OXGR1: variants seen among roughly 807,000 people sequenced by gnomAD.
OXGR1 encodes 2-oxoglutarate receptor 1.
A neutral mutation model predicts 10.0 loss-of-function variants in OXGR1; 10 were observed. The ratio of observed to expected loss-of-function variants is 1.00; its 90% CI spans 0.62 to 1.70. OXGR1 has a LOEUF of 1.70. Among genes scored for constraint, OXGR1 ranks in the 40% most tolerant of loss-of-function variants. The probability of loss-of-function intolerance (pLI) is 0.00; values close to 1 mark genes in which losing one functional copy is unlikely to be tolerated. For missense variants in OXGR1, 398 were observed against 407.6 expected, an observed-to-expected ratio of 0.98 and a Z score of 0.20; for synonymous variants, 191 against 155.9, an observed-to-expected ratio of 1.22 and a Z score of -1.68.
In OXGR1 at chr13:96,986,954, A is replaced by C. The variant is rs1229806933; in HGVS notation, c.806T>G (p.Leu269Arg). The change falls in exon 4 of 4, where the codon CTG becomes CGG. Residue 269 changes from leucine (L) to arginine (R), a missense_variant. Transcript: ENST00000541038. ...CTCAATGGAACAACTGATTGAAAGC[A>C]GGCGAGATTCGATCCGAATGACCCT... ...ILRVIRIESR[L>R]LSISCSIENQ... The C allele has an allele frequency of 1.9e-6, 3 of 1,614,236 alleles. No homozygotes were observed. The highest frequency in any genetic ancestry group is 1.7e-6 in the Non-Finnish European group (2 of 1,180,032).
At position 96,986,965 on chromosome 13, in the gene OXGR1, G is replaced by C. The variant is rs768797716; in HGVS notation, c.795C>G (p.Ile265Met). Reference sequence around the variant, plus strand: ...AACTGATTGAAAGCAGGCGAGATTCGATCCGAATGACCCTCAAGATATGGA... The same window carrying C: ...AACTGATTGAAAGCAGGCGAGATTCCATCCGAATGACCCTCAAGATATGGA... ...LPFHILRVIR[I>M]ESRLLSISCS... The change falls in exon 4 of 4, where the codon ATC becomes ATG. Residue 265 changes from isoleucine (I) to methionine (M), a missense_variant. Coordinates refer to ENST00000541038, the MANE Select transcript of OXGR1 (RefSeq NM_001346194.2). 1 of 1,614,024 alleles carries C rather than the reference G, an allele frequency of 6.2e-7. No individual in the cohort carries two copies. The highest frequency in any genetic ancestry group is 2.2e-5 in the East Asian group (1 of 44,898).
intron 3 of OXGR1, among the ~76,000 whole-genome samples, 195 bp from the exon 4 acceptor site, chr13:96,988,028 A>G (rs1881871297): frequency 6.6e-6 from 1 of 152,242 alleles, no homozygotes; most frequent in African/African-American, 2.4e-5. Flanking sequence ...ATAAAAATAT[A>G]AAAGTTAAAT....
At chr13:96,994,696 T>TA, upstream of OXGR1, 1 of 151,740 alleles carries the variant, frequency 6.6e-6, no homozygotes, top group African/African-American at 2.4e-5. Flanking sequence ...AGTGCCTCTT[T>TA]TTTTTTTTTT....
At chr13:96,987,856 A>G (rs1881860576) in intron 3 of OXGR1, 23 bp from the exon 4 acceptor site, 2 of 1,455,530 alleles carry the variant, frequency 1.4e-6, no homozygotes, top group African/African-American at 1.4e-5. Flanking sequence ...AACAGAAAAC[A>G]TTAATGATAG....
In OXGR1 at chr13:96,987,407, T is replaced by C. The variant is rs1593972464; in HGVS notation, c.353A>G (p.Tyr118Cys). The change falls in exon 4 of 4, where the codon TAT (tyrosine) becomes TGT (cysteine). Residue 118 changes from tyrosine to cysteine, a missense_variant. Tyr to Cys is a radical substitution (Grantham distance 194, BLOSUM62 -2). Transcript: ENST00000541038. Reference protein sequence around the residue: ...FIRFSFHFNLYSSILFLTCFS... With the variant: ...FIRFSFHFNLCSSILFLTCFS... ...ACAGGTGAGGAAGAGGATGCTGCTA[T>C]ACAGGTTGAAATGGAAGCTGAAGCG... is the stretch of plus-strand genomic sequence containing the variant. The C allele has an allele frequency of 1.2e-6, 2 of 1,614,180 alleles. No homozygotes were observed. The highest frequency in any genetic ancestry group is 2.2e-5 in the South Asian group (2 of 91,082).
chr13:96,987,232 G>A lies in OXGR1; in HGVS notation c.528C>T (p.Asn176=). The A allele has an allele frequency of 7.4e-6, 12 of 1,614,118 alleles. No homozygotes were observed. The highest frequency in any genetic ancestry group is 1.0e-5 in the Non-Finnish European group (12 of 1,179,946). ...CGAGACAGGCTGATCTGTTGGTCCTGTTGGTTGATGTGATCAAGAAGGTCA... is the reference window on the plus strand; with the variant it reads ...CGAGACAGGCTGATCTGTTGGTCCTATTGGTTGATGTGATCAAGAAGGTCA... ...IPMTFLITST[N]RTNRSACLDL... is the part of the protein sequence containing the mutation. The change falls in exon 4 of 4, where the codon AAC becomes AAT. Residue 176 remains asparagine, a synonymous_variant. Transcript: ENST00000541038.
intron 3 of OXGR1, 142 bp from the exon 4 acceptor site, chr13:96,987,975 T>A (rs372169929): frequency 6.4e-6 from 3 of 469,564 alleles, no homozygotes; most frequent in South Asian, 9.2e-5. Flanking sequence ...AGAAATTGAA[T>A]TTCCAAGAAA....
At position 96,985,809 on chromosome 13, in the gene OXGR1, G is replaced by A. The variant is rs556713042; in HGVS notation, c.*937C>T. 17 of 152,194 alleles carry A rather than the reference G, an allele frequency of 1.1e-4. No individual in the cohort carries two copies. The East Asian group carries it at 2.3e-3, about 21-fold the overall frequency. 9.4% of individuals were successfully genotyped at this position (152,194 alleles called of 1,614,324 possible). A position where few individuals can be genotyped will look rare whatever the true frequency, so the allele number is the denominator to read the frequency against. On this transcript the variant is annotated 3_prime_UTR_variant, in exon 4 of 4. Transcript: ENST00000541038. ...GTTTTCTCAAATATTTATACTTACC[G>A]ATAATTAAGCACACATACAATTCAA...
At position 96,993,365 on chromosome 13, in the gene OXGR1, C is replaced by T. The variant is rs145320372; in HGVS notation, c.-277-793G>A. ...CTCGGAGTGGCTGGGATTACAGGCCCGTTCCACCACGTCTGGCTAATTTTT... is the reference window on the plus strand; with the variant it reads ...CTCGGAGTGGCTGGGATTACAGGCCTGTTCCACCACGTCTGGCTAATTTTT... On this transcript the variant is annotated intron_variant, in intron 1 of 3. Coordinates refer to ENST00000541038, the MANE Select transcript of OXGR1 (RefSeq NM_001346194.2). Among the ~76,000 whole-genome samples the T allele has an allele frequency of 2.3e-3, 344 of 152,086 alleles. 1 individual carries two copies. Among genetic ancestry groups the T allele is most frequent in the African/African-American group, 8.0e-3 (332 of 41,514 alleles).
At chr13:96,990,675 G>A (rs1882002625) in intron 2 of OXGR1, among the ~76,000 whole-genome samples, 2 of 152,264 alleles carry the variant, frequency 1.3e-5, no homozygotes, top group South Asian at 4.2e-4. Context: ...CAGGCACAGT[G>A]GCTCAAGCCT....
chr13:96,988,968 A>G (rs1593974626), intron 3 of OXGR1, among the ~76,000 whole-genome samples: 1 of 152,194 alleles, frequency 6.6e-6, no homozygotes, highest in East Asian at 1.9e-4. Context: ...TAACACACAC[A>G]GATGTATATG....
At chr13:96,987,866 G>C (rs781270922) in intron 3 of OXGR1, 33 bp from the exon 4 acceptor site, 7 of 1,410,258 alleles carry the variant, frequency 5.0e-6, no homozygotes, top group Non-Finnish European at 6.6e-6. Context: ...ATTAATGATA[G>C]GGTAATAAAA....
intron 1 of OXGR1, among the ~76,000 whole-genome samples, chr13:96,993,867 G>C (rs1207787388): frequency 6.6e-6 from 1 of 152,096 alleles, no homozygotes; most frequent in Admixed American, 6.5e-5. Context: ...AGTCCACCAC[G>C]ATGCAGGGTG....
At chr13:96,987,985 A>G (rs1881867592) in intron 3 of OXGR1, among the ~76,000 whole-genome samples, 152 bp from the exon 4 acceptor site, 1 of 152,204 alleles carries the variant, frequency 6.6e-6, no homozygotes. Flanking sequence ...TTTCCAAGAA[A>G]ATGACTATGA....
chr13:96,986,942 C>A lies in OXGR1; in HGVS notation c.818G>T (p.Ser273Ile), dbSNP rs781543681. ...ATGGATCTGATTCTCAATGGAACAA[C>A]TGATTGAAAGCAGGCGAGATTCGAT... Reference protein sequence around the residue: ...IRIESRLLSISCSIENQIHEA... With the variant: ...IRIESRLLSIICSIENQIHEA... The change falls in exon 4 of 4, where the codon AGT (serine) becomes ATT (isoleucine). Residue 273 changes from serine (S) to isoleucine (I), a missense_variant. Physicochemically the swap from Ser to Ile is moderately radical, Grantham distance 142. Transcript: ENST00000541038. The A allele has an allele frequency of 1.7e-5, 27 of 1,614,014 alleles. No individual in the cohort carries two copies. Among genetic ancestry groups the A allele is most frequent in the Admixed American group, 8.3e-5 (5 of 60,002 alleles).
chr13:96,990,058 A>G (rs894259608), intron 2 of OXGR1, among the ~76,000 whole-genome samples: 6 of 152,182 alleles, frequency 3.9e-5, no homozygotes, highest in Non-Finnish European at 7.3e-5. Context: ...ACCTAATGCA[A>G]CATAGATGTT....
intron 2 of OXGR1, 132 bp downstream of exon 2, chr13:96,992,290 C>G (rs1470441967): frequency 2.0e-5 from 3 of 152,088 alleles, no homozygotes; most frequent in African/African-American, 7.2e-5. Context: ...GGATGGATAC[C>G]CCATTCTCTA....
Position 96,987,435 on chromosome 13 carries a change from T to A in OXGR1, c.325A>T (p.Ile109Phe). The change falls in exon 4 of 4, where the codon ATC (isoleucine) becomes TTC (phenylalanine). Residue 109 changes from isoleucine to phenylalanine, a missense_variant. Coordinates refer to ENST00000541038, the MANE Select transcript of OXGR1 (RefSeq NM_001346194.2). ...AGGTTGAAATGGAAGCTGAAGCGGA[T>A]AAACTTACACATGAAATCTCCAAAG... ...WIFGDFMCKF[I>F]RFSFHFNLYS... 6.2e-7 allele frequency: 1 copy of A among 1,614,210 alleles called. No individual in the cohort carries two copies. Among genetic ancestry groups the A allele is most frequent in the East Asian group, 2.2e-5 (1 of 44,888 alleles).
chr13:96,986,708 C>T lies in OXGR1; in HGVS notation c.*38G>A, dbSNP rs145452744. The T allele has an allele frequency of 1.5e-4, 230 of 1,555,192 alleles. 5 individuals are homozygous for T. The East Asian group carries it at 5.0e-3, about 34-fold the overall frequency. On this transcript the variant is annotated 3_prime_UTR_variant, in exon 4 of 4. Coordinates refer to ENST00000541038, the MANE Select transcript of OXGR1 (RefSeq NM_001346194.2). ...CATCTTAGGATGCTAGGTAAAGTAT[C>T]AGCAAGTATTTGTTTTTGGTTAAGT... is the stretch of plus-strand genomic sequence containing the variant.
Sources: allele counts gnomAD v4.1 joint callset (sites outside exome capture counted in the v4.1 genomes callset), GRCh38; gene constraint gnomAD v4.1.1; transcripts MANE v1.5; gene names NCBI Gene and HGNC (gene_info 2026-07-23, HGNC 2026-07-21).